The following DNAL1 variants were observed in gnomAD, a reference collection of about 807,000 sequenced individuals.
DNAL1 encodes dynein axonemal light chain 1.
A neutral mutation model predicts 29.4 loss-of-function variants in DNAL1; 17 were observed. That is an observed-to-expected ratio of 0.58 (90% CI 0.40 to 0.87). The LOEUF is 0.87. Among genes scored for constraint, DNAL1 ranks in the 40% least tolerant of loss-of-function variants. DNAL1 has a pLI of 0.00. For synonymous variants in DNAL1, 78 were observed against 76.3 expected (o/e 1.02, Z -0.12); for missense variants, 188 against 214.1 (o/e 0.88, Z 0.76).
chr14:73,651,817 C>G (rs530971088), intron 1 of DNAL1, among the ~76,000 whole-genome samples: 2 of 152,066 alleles, frequency 1.3e-5, no homozygotes, highest in East Asian at 3.9e-4. Flanking sequence ...TCACCATGCC[C>G]AGCTAAGTTT....
chr14:73,646,832 G>A (rs576053619), intron 1 of DNAL1, among the ~76,000 whole-genome samples: 232 of 152,262 alleles, frequency 1.5e-3, no homozygotes, highest in Middle Eastern at 3.4e-3. Context: ...CTTATATGTG[G>A]TTGGTTGTTA....
chr14:73,669,367 C>T (rs144805394), intron 4 of DNAL1, among the ~76,000 whole-genome samples: 1,891 of 152,150 alleles, frequency 0.012, 37 homozygotes, highest in African/African-American at 0.043. Flanking sequence ...ACCTCCGCCT[C>T]CCGGGTTCAA....
In DNAL1 at chr14:73,702,105, G is replaced by C. The variant is rs1284243299; in HGVS notation, c.*6163G>C. On this transcript the variant is annotated 3_prime_UTR_variant, in exon 8 of 8. Coordinates refer to ENST00000553645, the MANE Select transcript of DNAL1 (RefSeq NM_031427.4). ...TGTGTGTGTGTGTGTGTGTGTGTGT[G>C]CACGTGCATGAGAGAGAGTGAAAGA... The C allele has an allele frequency of 7.5e-6, 1 of 132,644 alleles. No homozygotes were observed. The highest frequency in any genetic ancestry group is 2.9e-5 in the African/African-American group (1 of 34,226). 8.2% of individuals were successfully genotyped at this position (132,644 alleles called of 1,614,324 possible). A position where few individuals can be genotyped will look rare whatever the true frequency, so the allele number is the denominator to read the frequency against.
At chr14:73,692,307 C>T (rs1174052580) in intron 7 of DNAL1, among the ~76,000 whole-genome samples, 2 of 152,032 alleles carry the variant, frequency 1.3e-5, no homozygotes, top group East Asian at 3.9e-4. Context: ...CCTGGTGAAA[C>T]CCTGTCTCTA....
At chr14:73,655,298 A>C (rs1891191605) in intron 2 of DNAL1, among the ~76,000 whole-genome samples, 1 of 152,002 alleles carries the variant, frequency 6.6e-6, no homozygotes, top group Admixed American at 6.5e-5. Context: ...ATTGCTATAA[A>C]ATTGCTGGAA....
rs370983638 is a variant in DNAL1, at chr14:73,672,344, G to A, written c.264+747G>A. The stretch of plus-strand genomic sequence containing the variant: ...GGTCAGGCTGAGAGCAGTGGCTCAC[G>A]CCTGTAATCCCAGCACTTTGGGAGG... On this transcript the variant is annotated intron_variant, in intron 5 of 7. Transcript: ENST00000553645. 1.2e-4 allele frequency among the ~76,000 whole-genome samples: 18 copies of A among 152,238 alleles called. No homozygotes were observed. The South Asian group carries it at 1.7e-3, about 14-fold the overall frequency.
intron 7 of DNAL1, among the ~76,000 whole-genome samples, chr14:73,692,610 GAAA>G (rs59651369): frequency 2.4e-5 from 3 of 123,312 alleles, no homozygotes. Context: ...AGTGAGCCGA[GAAA>G]AAAAAAAAAA....
chr14:73,646,855 T>C (rs542035028), intron 1 of DNAL1, among the ~76,000 whole-genome samples: 1 of 152,306 alleles, frequency 6.6e-6, no homozygotes, highest in African/African-American at 2.4e-5. Context: ...TGAAACTTGT[T>C]ATGCAGCTCA....
intron 7 of DNAL1, among the ~76,000 whole-genome samples, chr14:73,692,295 C>T (rs895456584): frequency 6.6e-6 from 1 of 151,910 alleles, no homozygotes; most frequent in Non-Finnish European, 1.5e-5. Context: ...CAGCCTGGCC[C>T]ACCTGGTGAA....
intron 4 of DNAL1, among the ~76,000 whole-genome samples, chr14:73,662,679 T>C (rs1400097020): frequency 6.6e-6 from 1 of 152,130 alleles, no homozygotes; most frequent in Non-Finnish European, 1.5e-5. Flanking sequence ...TCACACTGGC[T>C]TCTCCTTCTG....
At chr14:73,681,382 G>A (rs1891870540) in intron 5 of DNAL1, among the ~76,000 whole-genome samples, 1 of 150,838 alleles carries the variant, frequency 6.6e-6, no homozygotes, top group South Asian at 2.1e-4. Flanking sequence ...TAATCCACCC[G>A]ATTCGGCCTC....
At chr14:73,682,518 A>T (rs1225411603) in intron 5 of DNAL1, among the ~76,000 whole-genome samples, 1 of 151,384 alleles carries the variant, frequency 6.6e-6, no homozygotes, top group Non-Finnish European at 1.5e-5. Flanking sequence ...ACTTTTCAAT[A>T]TTTTTTTAAC....
intron 5 of DNAL1, among the ~76,000 whole-genome samples, chr14:73,681,326 G>T (rs1202162839): frequency 6.6e-6 from 1 of 151,048 alleles, no homozygotes; most frequent in Non-Finnish European, 1.5e-5. Flanking sequence ...CTAGAGATGG[G>T]GTTTCACCAT....
In DNAL1 at chr14:73,698,902, G is replaced by A. The variant is rs1304586696; in HGVS notation, c.*2960G>A. 6.6e-6 allele frequency: 1 copy of A among 152,158 alleles called. No homozygotes were observed. The highest frequency in any genetic ancestry group is 1.5e-5 in the Non-Finnish European group (1 of 68,028). 9.4% of individuals were successfully genotyped at this position (152,158 alleles called of 1,614,324 possible). On this transcript the variant is annotated 3_prime_UTR_variant, in exon 8 of 8. Transcript: ENST00000553645. ...TGTATTACCTAGACAGGCCTTAAAA[G>A]GTTTTTGTGTTGTTCTCTGTTAATA...
intron 5 of DNAL1, among the ~76,000 whole-genome samples, chr14:73,675,728 A>G (rs10132607): frequency 0.042 from 6,387 of 152,254 alleles, 147 homozygotes; most frequent in Middle Eastern, 0.075. Flanking sequence ...TATTAAGTTA[A>G]AATTGTAGGC....
chr14:73,649,962 AGTT>A (rs1217129523), intron 1 of DNAL1, among the ~76,000 whole-genome samples: 2 of 152,108 alleles, frequency 1.3e-5, no homozygotes, highest in Non-Finnish European at 2.9e-5. Flanking sequence ...TTATTTAAAT[AGTT>A]GTTATACTGT....
At chr14:73,685,942 G>C (rs1035447079) in intron 5 of DNAL1, among the ~76,000 whole-genome samples, 2 of 152,076 alleles carry the variant, frequency 1.3e-5, no homozygotes, top group Admixed American at 6.6e-5. Context: ...CTGAATATGT[G>C]CCCCGAAGTG....
At chr14:73,683,788 A>G (rs1449194135) in intron 5 of DNAL1, among the ~76,000 whole-genome samples, 1 of 151,702 alleles carries the variant, frequency 6.6e-6, no homozygotes, top group Non-Finnish European at 1.5e-5. Flanking sequence ...GCTCACTGCA[A>G]CCTCCACCTT....
intron 1 of DNAL1, among the ~76,000 whole-genome samples, chr14:73,650,969 AACTTT>A (rs140543878): frequency 0.017 from 2,528 of 152,324 alleles, 68 homozygotes; most frequent in African/African-American, 0.057. Context: ...TCAAATGTAG[AACTTT>A]ATCAAGTACT....
Sources: allele counts gnomAD v4.1 joint callset (sites outside exome capture counted in the v4.1 genomes callset), GRCh38; gene constraint gnomAD v4.1.1; transcripts MANE v1.5; gene names NCBI Gene and HGNC (gene_info 2026-07-23, HGNC 2026-07-21).